Variants in PIK3R3 observed in about 807,000 individuals in gnomAD.
PIK3R3 encodes the protein phosphoinositide-3-kinase regulatory subunit 3.
PIK3R3 carries 64 observed loss-of-function variants against 62.9 expected under a neutral mutation model. That is an observed-to-expected ratio of 1.02 (90% CI 0.83 to 1.25). PIK3R3 has a LOEUF of 1.25. Ranked by LOEUF, PIK3R3 falls within the 50% of genes most tolerant of loss-of-function variation. The pLI, the probability that PIK3R3 is intolerant of heterozygous loss-of-function variation, is 0.00. For missense variants in PIK3R3, 614 were observed against 561.6 expected (o/e 1.09, Z -0.94); for synonymous variants, 165 against 189.0 (o/e 0.87, Z 1.04).
chr1:46,128,977 A>G (rs1655329713), intron 1 of PIK3R3, among the ~76,000 whole-genome samples: 1 of 152,154 alleles, frequency 6.6e-6, no homozygotes. Context: ...AGGCTGAGGC[A>G]GGAGAATCAC....
At chr1:46,089,714 C>CA (rs554079868) in intron 1 of PIK3R3, among the ~76,000 whole-genome samples, 1,304 of 62,816 alleles carry the variant, frequency 0.021, 17 homozygotes, top group African/African-American at 0.063. Context: ...GACTCCATCT[C>CA]AAAAAAAAAA....
intron 3 of PIK3R3, among the ~76,000 whole-genome samples, chr1:46,071,579 C>T (rs900941787): frequency 8.0e-5 from 12 of 149,836 alleles, no homozygotes; most frequent in Non-Finnish European, 1.5e-4. Context: ...GACTGTAATC[C>T]CAGACTCAGG....
At chr1:46,129,572 A>G (rs952516636) in intron 1 of PIK3R3, among the ~76,000 whole-genome samples, 2 of 152,188 alleles carry the variant, frequency 1.3e-5, no homozygotes, top group Admixed American at 6.5e-5. Context: ...GAGAGCAGTT[A>G]GTACGCTATC....
chr1:46,043,947 G>A, intron 9 of PIK3R3, 76 bp from the exon 10 acceptor site: 2 of 1,234,680 alleles, frequency 1.6e-6, no homozygotes, highest in Non-Finnish European at 2.3e-6. Context: ...CCAGAAGTCT[G>A]AGAGCAATTG....
chr1:46,065,393 G>A (rs185741305), intron 5 of PIK3R3, among the ~76,000 whole-genome samples: 220 of 152,310 alleles, frequency 1.4e-3, no homozygotes, highest in Non-Finnish European at 2.4e-3. Context: ...TCTAAAAACT[G>A]TGTAGCTAAC....
intron 1 of PIK3R3, among the ~76,000 whole-genome samples, chr1:46,093,876 C>T (rs1651872615): frequency 1.3e-5 from 2 of 150,264 alleles, no homozygotes; most frequent in African/African-American, 4.9e-5. Context: ...AAAAAACATC[C>T]TAGGCAACAT....
chr1:46,125,714 T>C (rs1177115175), intron 1 of PIK3R3, among the ~76,000 whole-genome samples: 2 of 152,166 alleles, frequency 1.3e-5, no homozygotes, highest in Admixed American at 6.5e-5. Flanking sequence ...CCAAACTATA[T>C]AGTCTAATTT....
At chr1:46,144,945 GAAA>G in the PIK3R3 span, among the ~76,000 whole-genome samples, 1 of 151,668 alleles carries the variant, frequency 6.6e-6, no homozygotes, top group Non-Finnish European at 1.5e-5. Context: ...CCAACATGGA[GAAA>G]CCCCATCTCT....
rs746590304 is a variant in PIK3R3 at position 46,131,877 on chromosome 1, G to A, written c.76C>T (p.Leu26=). The part of the protein sequence containing the change: ...REVMMPYSTE[L]IFYIEMDPPA... ...GGATCCATTTCAATATAAAATATCA[G>A]TTCTGTCGAATAGGGCATCATCACC... Residue 26 remains leucine (L), a synonymous_variant, in exon 1 of 10, where the codon CTG becomes TTG. Coordinates refer to ENST00000262741, the MANE Select transcript of PIK3R3 (RefSeq NM_003629.4). 1 of 1,612,690 alleles carries A rather than the reference G, an allele frequency of 6.2e-7. No homozygotes were observed. The highest frequency in any genetic ancestry group is 8.5e-7 in the Non-Finnish European group (1 of 1,179,306).
chr1:46,141,106 C>A, the PIK3R3 span, among the ~76,000 whole-genome samples: 3 of 151,576 alleles, frequency 2.0e-5, no homozygotes, highest in Non-Finnish European at 4.4e-5. Context: ...GGGGTCGTCC[C>A]ACCTTGGCCT....
At chr1:46,072,118 C>CA (rs1264071853) in intron 3 of PIK3R3, among the ~76,000 whole-genome samples, 2 of 152,128 alleles carry the variant, frequency 1.3e-5, no homozygotes, top group African/African-American at 4.8e-5. Context: ...ATTCTCTTAA[C>CA]AAAGATATCT....
At chr1:46,126,749 C>A (rs1389966905) in intron 1 of PIK3R3, among the ~76,000 whole-genome samples, 2 of 143,594 alleles carry the variant, frequency 1.4e-5, no homozygotes, top group African/African-American at 2.6e-5. Context: ...CAGCCTGGGG[C>A]AACAAAGCAA....
chr1:46,087,401 C>T (rs570149509), intron 1 of PIK3R3, among the ~76,000 whole-genome samples: 16 of 151,674 alleles, frequency 1.1e-4, no homozygotes, highest in African/African-American at 3.6e-4. Flanking sequence ...ATATTGAAAA[C>T]GGCATAACTA....
intron 1 of PIK3R3, among the ~76,000 whole-genome samples, chr1:46,129,416 T>C (rs1359293768): frequency 6.6e-6 from 1 of 151,476 alleles, no homozygotes; most frequent in Non-Finnish European, 1.5e-5. Flanking sequence ...TTTATTTATT[T>C]ATTTATTTAT....
At chr1:46,045,228 G>C (rs2149371614) in intron 9 of PIK3R3, among the ~76,000 whole-genome samples, 1 of 152,298 alleles carries the variant, frequency 6.6e-6, no homozygotes, top group South Asian at 2.1e-4. Flanking sequence ...AAGTTACCCA[G>C]CTAGTAAGCA....
At position 46,043,798 on chromosome 1, in the gene PIK3R3, G is replaced by T. The variant is rs549337075; in HGVS notation, c.1261C>A (p.Leu421Met). ...ACTAGCTCCTTCAGAGAGCTGTACA[G>T]GTTGTAGGGCTCTGCAAAGCCATAG... The part of the protein sequence containing the change: ...RGYGFAEPYN[L>M]YSSLKELVLH... Residue 421 changes from leucine to methionine, a missense_variant, in exon 10 of 10, where the codon CTG becomes ATG. Coordinates refer to ENST00000262741, the MANE Select transcript of PIK3R3 (RefSeq NM_003629.4). 1.9e-6 allele frequency: 3 copies of T among 1,614,040 alleles called. No individual in the cohort carries two copies. The South Asian group carries it at 3.3e-5, about 18-fold the overall frequency.
In PIK3R3 at chr1:46,131,986, T is replaced by C. The variant is rs775945504; in HGVS notation, c.-34A>G. The C allele has an allele frequency of 6.9e-6, 11 of 1,597,896 alleles. No homozygotes were observed. Among genetic ancestry groups the C allele is most frequent in the African/African-American group, 4.1e-5 (3 of 73,574 alleles). On this transcript the variant is annotated 5_prime_UTR_variant, in exon 1 of 10. Transcript: ENST00000262741. Reference sequence around the variant, plus strand: ...CAGGGGCAGGTCGCCAGGAGATATATAGAAGGCATATATTTTTTATCTGGT... The same window carrying C: ...CAGGGGCAGGTCGCCAGGAGATATACAGAAGGCATATATTTTTTATCTGGT...
At chr1:46,087,097 T>G (rs1651133628) in intron 1 of PIK3R3, among the ~76,000 whole-genome samples, 1 of 152,114 alleles carries the variant, frequency 6.6e-6, no homozygotes, top group African/African-American at 2.4e-5. Context: ...GTGGGGAACA[T>G]CACACACCAG....
At chr1:46,125,043 G>GAGC (rs1315346540) in intron 1 of PIK3R3, among the ~76,000 whole-genome samples, 1 of 152,158 alleles carries the variant, frequency 6.6e-6, no homozygotes, top group African/African-American at 2.4e-5. Flanking sequence ...AGATTGCAGT[G>GAGC]AGCAGAAATC....
Sources: allele counts gnomAD v4.1 joint callset (sites outside exome capture counted in the v4.1 genomes callset), GRCh38; gene constraint gnomAD v4.1.1; transcripts MANE v1.5; gene names NCBI Gene and HGNC (gene_info 2026-07-23, HGNC 2026-07-21).